The following SPMAP2 variants were observed in gnomAD, a reference collection of about 807,000 sequenced individuals.
SPMAP2 encodes Theg homolog.
the SPMAP2 span, chr19:373,875 G>T: frequency 1.4e-6 from 2 of 1,480,756 alleles, no homozygotes; most frequent in Non-Finnish European, 1.9e-6. Context: ...GGAGTGAAGG[G>T]GTCCCCTGGA....
chr19:374,418 C>A, the SPMAP2 span: 2 of 1,614,050 alleles, frequency 1.2e-6, no homozygotes, highest in Admixed American at 1.7e-5. Context: ...TGATGGACAG[C>A]CGGCTTTGGG....
the SPMAP2 span, chr19:375,655 G>C: frequency 3.9e-6 from 6 of 1,545,314 alleles, no homozygotes; most frequent in South Asian, 2.5e-5. Flanking sequence ...CCGTTCCCCG[G>C]TGCCCACCTG....
chr19:370,144 A>G, the SPMAP2 span, among the ~76,000 whole-genome samples: 1 of 152,192 alleles, frequency 6.6e-6, no homozygotes, highest in African/African-American at 2.4e-5. Context: ...AGAGAATGCA[A>G]GACGGCGGCC....
the SPMAP2 span, among the ~76,000 whole-genome samples, chr19:375,086 G>A: frequency 6.6e-6 from 1 of 152,206 alleles, no homozygotes; most frequent in South Asian, 2.1e-4. Flanking sequence ...CACGTGCAGG[G>A]ACCACGCTGC....
the SPMAP2 span, among the ~76,000 whole-genome samples, chr19:366,046 C>G: frequency 6.5e-3 from 984 of 151,978 alleles, 9 homozygotes; most frequent in African/African-American, 0.022. Context: ...GAAGCCGAGG[C>G]AGGAGAATGT....
At chr19:363,262 G>A in the SPMAP2 span, among the ~76,000 whole-genome samples, 8 of 151,892 alleles carry the variant, frequency 5.3e-5, no homozygotes, top group Non-Finnish European at 8.8e-5. Flanking sequence ...GCGTGATCTC[G>A]GCTCACTGCA....
the SPMAP2 span, chr19:374,292 T>C: frequency 1.9e-6 from 3 of 1,613,940 alleles, no homozygotes; most frequent in Non-Finnish European, 2.5e-6. Flanking sequence ...GTCTGGCGTG[T>C]CCTCACCTGT....
At chr19:374,260 A>C in the SPMAP2 span, 5 of 1,608,414 alleles carry the variant, frequency 3.1e-6, no homozygotes, top group South Asian at 4.4e-5. Flanking sequence ...AAAGCCGCCC[A>C]CGCTGCCCCT....
the SPMAP2 span, among the ~76,000 whole-genome samples, chr19:370,287 C>T: frequency 6.6e-6 from 1 of 152,270 alleles, no homozygotes; most frequent in East Asian, 1.9e-4. Context: ...CTGGGTATTA[C>T]CCTGGAGATA....
At chr19:362,215 G>C in the SPMAP2 span, 1 of 1,552,078 alleles carries the variant, frequency 6.4e-7, no homozygotes, top group Non-Finnish European at 8.7e-7. Flanking sequence ...GGCCAGGCCT[G>C]GGTTGATCAC....
the SPMAP2 span, among the ~76,000 whole-genome samples, chr19:375,225 C>T: frequency 6.6e-6 from 1 of 152,178 alleles, no homozygotes; most frequent in Non-Finnish European, 1.5e-5. Flanking sequence ...AGAACGTGTT[C>T]CTCCCGACCA....
the SPMAP2 span, chr19:367,085 T>C: frequency 2.5e-6 from 4 of 1,612,760 alleles, no homozygotes; most frequent in Non-Finnish European, 8.5e-7. Context: ...AAGGAGGCGG[T>C]TATGGTCTGA....
chr19:375,891 C>A, the SPMAP2 span: 1 of 1,536,512 alleles, frequency 6.5e-7, no homozygotes, highest in Non-Finnish European at 8.8e-7. Flanking sequence ...ACGGGGGTCG[C>A]CGTCCTGCTC....
At chr19:365,873 G>A in the SPMAP2 span, among the ~76,000 whole-genome samples, 29 of 152,246 alleles carry the variant, frequency 1.9e-4, no homozygotes, top group Middle Eastern at 3.4e-3. Flanking sequence ...GGCCAGGAGC[G>A]GTGTCATGCC....
chr19:375,044 C>G, the SPMAP2 span, among the ~76,000 whole-genome samples: 1 of 152,148 alleles, frequency 6.6e-6, no homozygotes. Flanking sequence ...CTGGGCGGCA[C>G]GGAAACCACG....
At chr19:375,919 C>T in the SPMAP2 span, 4 of 1,491,444 alleles carry the variant, frequency 2.7e-6, no homozygotes, top group Non-Finnish European at 3.6e-6. Flanking sequence ...GACCTGCCCG[C>T]AGCCTCAGAG....
the SPMAP2 span, among the ~76,000 whole-genome samples, chr19:363,094 T>G: frequency 6.6e-6 from 1 of 152,308 alleles, no homozygotes; most frequent in African/African-American, 2.4e-5. Flanking sequence ...CGGGGCTGCC[T>G]TCTGAAGGCA....
the SPMAP2 span, chr19:371,118 G>T: frequency 1.4e-6 from 1 of 735,492 alleles, no homozygotes; most frequent in South Asian, 2.8e-5. Context: ...CTCCTCCCCT[G>T]ACTCCCAAAC....
the SPMAP2 span, chr19:374,007 C>T: frequency 6.2e-7 from 1 of 1,613,362 alleles, no homozygotes; most frequent in Middle Eastern, 1.6e-4. Flanking sequence ...CCACAGCGTC[C>T]CTTCCTGCGA....
Sources: allele counts gnomAD v4.1 joint callset (sites outside exome capture counted in the v4.1 genomes callset), GRCh38; gene constraint gnomAD v4.1.1; transcripts MANE v1.5; gene names NCBI Gene and HGNC (gene_info 2026-07-23, HGNC 2026-07-21).